KNDC1: variants seen among roughly 807,000 people sequenced by gnomAD.
KNDC1 encodes the protein kinase non-catalytic C-lobe domain-containing protein 1.
Under a neutral mutation model 172.8 loss-of-function variants are expected in KNDC1, and 106 were observed. The observed-to-expected ratio is 0.61, with a 90% confidence interval of 0.52 to 0.72. KNDC1 has a LOEUF of 0.72. Ranked by LOEUF, KNDC1 falls within the 30% of genes least tolerant of loss-of-function variation. The pLI is 0.00. For synonymous variants in KNDC1, 1,083 were observed against 1,062.2 expected (o/e 1.02, Z -0.38); for missense variants, 2,325 against 2,394.5 (o/e 0.97, Z 0.61).
intron 3 of KNDC1, among the ~76,000 whole-genome samples, chr10:133,181,006 T>C (rs1853701028): frequency 6.6e-6 from 1 of 152,020 alleles, no homozygotes; most frequent in African/African-American, 2.4e-5. Flanking sequence ...TAAGTGGAGG[T>C]GACCTGGGAC....
In KNDC1 at chr10:133,199,050, G is replaced by T; in HGVS notation, c.2542G>T (p.Gly848Trp). 6.3e-7 allele frequency: 1 copy of T among 1,594,280 alleles called. No homozygotes were observed. Among genetic ancestry groups the T allele is most frequent in the East Asian group, 2.3e-5 (1 of 43,554 alleles). ...ERPGQEPEGP[G>W]ATPAGERDDQ... is the part of the protein sequence containing the mutation. Reference sequence around the variant, plus strand: ...CCCGGGCCAGGAGCCAGAGGGCCCCGGGGCCACCCCTGCCGGGGAACGTGA... The same window carrying T: ...CCCGGGCCAGGAGCCAGAGGGCCCCTGGGCCACCCCTGCCGGGGAACGTGA... Residue 848 changes from glycine (G) to tryptophan (W), a missense_variant, in exon 14 of 30, where the codon GGG becomes TGG. By Grantham distance (184) the Gly-to-Trp change is radical. Transcript: ENST00000304613.
At chr10:133,196,060 C>G (rs1854182715) in intron 10 of KNDC1, among the ~76,000 whole-genome samples, 1 of 152,232 alleles carries the variant, frequency 6.6e-6, no homozygotes, top group African/African-American at 2.4e-5. Flanking sequence ...CTGCTGCTCC[C>G]CACCATGGCC....
intron 26 of KNDC1, among the ~76,000 whole-genome samples, chr10:133,214,341 C>T (rs910683968): frequency 6.6e-6 from 1 of 152,238 alleles, no homozygotes; most frequent in Non-Finnish European, 1.5e-5. Context: ...AGCTCTCCCC[C>T]AGCACTGCCT....
Position 133,224,681 on chromosome 10 carries a change from C to T in KNDC1, c.5041C>T (p.Gln1681Ter). 6.2e-7 allele frequency: 1 copy of T among 1,614,038 alleles called. No homozygotes were observed. Among genetic ancestry groups the T allele is most frequent in the Non-Finnish European group, 8.5e-7 (1 of 1,179,982 alleles). ...KLRNIAKVVS[Q>*]VHAFQENPYT... The stretch of plus-strand genomic sequence containing the variant: ...AAGGAACATCGCAAAGGTGGTGAGC[C>T]AGGTGCACGCGTTCCAGGAGAACCC... Residue 1681 changes from glutamine (Q) to a stop codon, truncating the protein, a stop_gained, in exon 30 of 30, where the codon CAG (glutamine) becomes TAG (stop). Coordinates refer to ENST00000304613, the MANE Select transcript of KNDC1 (RefSeq NM_152643.8). LOFTEE classifies it high-confidence loss of function. The surrounding 1 kb of genome is among the most constrained non-coding windows in gnomAD (Gnocchi z 5.4).
intron 3 of KNDC1, among the ~76,000 whole-genome samples, chr10:133,173,108 CCTCTT>C (rs1417567070): frequency 6.6e-6 from 1 of 152,214 alleles, no homozygotes; most frequent in Non-Finnish European, 1.5e-5. Context: ...CAGGTGCTCT[CCTCTT>C]CAGGCGCTGC....
rs558915571 is a variant in KNDC1 at position 133,189,539 on chromosome 10, C to G, written c.1442-59C>G. On this transcript the variant is annotated intron_variant, in intron 7 of 29. Coordinates refer to ENST00000304613, the MANE Select transcript of KNDC1 (RefSeq NM_152643.8). ...CTGAGGCTCCGCAGCTCCTTCCCCCCAGCCAGCCCCAAGTGCGGGGCAGCA... is the reference window on the plus strand; with the variant it reads ...CTGAGGCTCCGCAGCTCCTTCCCCCGAGCCAGCCCCAAGTGCGGGGCAGCA... The G allele has an allele frequency of 1.1e-5, 17 of 1,542,102 alleles. No homozygotes were observed. The South Asian group carries it at 1.6e-4, about 14-fold the overall frequency.
At position 133,198,205 on chromosome 10, in the gene KNDC1, C is replaced by T. The variant is rs1854247249; in HGVS notation, c.1907-132C>T. On this transcript the variant is annotated intron_variant, in intron 12 of 29. Coordinates refer to ENST00000304613, the MANE Select transcript of KNDC1 (RefSeq NM_152643.8). ...TTCCAGGGCCCAGCACAGAGGAAGC[C>T]CCCAGGGCCATGCGGGAGGGGACGC... The T allele has an allele frequency of 7.3e-6, 8 of 1,102,500 alleles. 1 individual carries two copies. In the South Asian group the frequency reaches 1.3e-4, roughly 17 times the overall value. 68.3% of individuals were successfully genotyped at this position (1,102,500 alleles called of 1,614,324 possible). A position where few individuals can be genotyped will look rare whatever the true frequency, so the allele number is the denominator to read the frequency against.
At chr10:133,203,787 A>C (rs3008381) in intron 17 of KNDC1, among the ~76,000 whole-genome samples, 67,008 of 152,170 alleles carry the variant, frequency 0.44, 15,596 homozygotes, top group East Asian at 0.62. Flanking sequence ...GATTTTAGTT[A>C]CCGTGGATTT....
rs777028945 is a variant in KNDC1, at chr10:133,200,480, C to CG, written c.2989+21dup. ...GCCTGGGTAAGTGCTGGGCGGGCCCCGCGGCAGGAGCTCTGCTGGGCGGCT... is the reference window on the plus strand; with the variant it reads ...GCCTGGGTAAGTGCTGGGCGGGCCCCGGCGGCAGGAGCTCTGCTGGGCGGCT... On this transcript the variant is annotated intron_variant, in intron 16 of 29. Transcript: ENST00000304613. 3.3e-6 allele frequency: 5 copies of CG among 1,501,896 alleles called. No individual in the cohort carries two copies. Among genetic ancestry groups the CG allele is most frequent in the Non-Finnish European group, 4.4e-6 (5 of 1,125,314 alleles). 93.0% of individuals were successfully genotyped at this position (1,501,896 alleles called of 1,614,324 possible). A position where few individuals can be genotyped will look rare whatever the true frequency, so the allele number is the denominator to read the frequency against.
Position 133,183,460 on chromosome 10 carries a change from G to C in KNDC1, c.477G>C (p.Ala159=), listed in dbSNP as rs761257041. The C allele has an allele frequency of 3.7e-6, 6 of 1,605,368 alleles. No individual in the cohort carries two copies. Among genetic ancestry groups the C allele is most frequent in the Non-Finnish European group, 5.1e-6 (6 of 1,178,010 alleles). ...AGGCGCTGCTGAGCCGGATGCAGGCGGAGGACCCCGGGGACCGGCCGGACC... is the reference window on the plus strand; with the variant it reads ...AGGCGCTGCTGAGCCGGATGCAGGCCGAGGACCCCGGGGACCGGCCGGACC... ...DLEALLSRMQ[A]EDPGDRPDLE... The change falls in exon 4 of 30, where the codon GCG becomes GCC. Residue 159 remains alanine, a synonymous_variant. Transcript: ENST00000304613.
intron 10 of KNDC1, 136 bp from the exon 11 acceptor site, chr10:133,196,922 A>T: frequency 1.5e-6 from 1 of 663,902 alleles, no homozygotes; most frequent in Non-Finnish European, 2.7e-6. Flanking sequence ...CGGGGCCTGT[A>T]GTTGGGTGTC....
intron 11 of KNDC1, among the ~76,000 whole-genome samples, chr10:133,197,370 G>A (rs945663831): frequency 2.0e-4 from 30 of 152,268 alleles, no homozygotes; most frequent in Admixed American, 4.6e-4. Flanking sequence ...CAAGGACGGC[G>A]GCCCAGCACC....
intron 5 of KNDC1, among the ~76,000 whole-genome samples, chr10:133,184,265 AC>A: frequency 6.9e-6 from 1 of 145,842 alleles, no homozygotes; most frequent in East Asian, 2.0e-4. Flanking sequence ...CACGTTACAC[AC>A]ACCCATGCAC....
intron 11 of KNDC1, 75 bp downstream of exon 11, chr10:133,197,210 C>G: frequency 8.5e-7 from 1 of 1,177,620 alleles, no homozygotes; most frequent in Non-Finnish European, 1.2e-6. Flanking sequence ...CTTGCCCTTG[C>G]CTGGCCGCTC....
rs774561314 is a variant in KNDC1 at position 133,219,142 on chromosome 10, TA to T, written c.4860+55del. The T allele has an allele frequency of 7.0e-6, 11 of 1,580,350 alleles. No homozygotes were observed. The African/African-American group carries it at 9.4e-5, about 13-fold the overall frequency. ...GCTTTGGTCCCCCGAGGCCCTCTCC[TA>T]AACGAACTGCTGTGCAGAGCCTGCC... On this transcript the variant is annotated intron_variant, in intron 28 of 29. Coordinates refer to ENST00000304613, the MANE Select transcript of KNDC1 (RefSeq NM_152643.8).
rs955129553 is a variant in KNDC1, at chr10:133,183,576, G to A, written c.507+86G>A. The A allele has an allele frequency of 2.0e-5, 28 of 1,409,726 alleles. No individual in the cohort carries two copies. The African/African-American group carries it at 2.1e-4, about 11-fold the overall frequency. The allele number at this position is 1,409,726 out of a possible 1,614,324, so 87.3% of individuals were successfully genotyped here. ...CGTGTGCTCACCACACCCACGCCCA[G>A]CAGCCTCACCTGGGTTCCGCAACCA... On this transcript the variant is annotated intron_variant, in intron 4 of 29. Transcript: ENST00000304613.
At chr10:133,219,608 G>C (rs1845539831) in intron 28 of KNDC1, among the ~76,000 whole-genome samples, 1 of 152,222 alleles carries the variant, frequency 6.6e-6, no homozygotes, top group Admixed American at 6.5e-5. Context: ...GCAGACACGG[G>C]GCCCTGCTCT....
At chr10:133,197,896 G>A in intron 12 of KNDC1, 128 bp downstream of exon 12, 1 of 775,876 alleles carries the variant, frequency 1.3e-6, no homozygotes. Context: ...CCAGAGCTCG[G>A]CCAACGTGGC....
chr10:133,172,467 A>G lies in KNDC1; in HGVS notation c.360+4155A>G, dbSNP rs766884499. ...ATACACTGTTTAATTGGATTTACTAACGCTTGCTTCAGATTGTTGCGCATA... is the reference window on the plus strand; with the variant it reads ...ATACACTGTTTAATTGGATTTACTAGCGCTTGCTTCAGATTGTTGCGCATA... On this transcript the variant is annotated intron_variant, in intron 3 of 29. Transcript: ENST00000304613. Among the ~76,000 whole-genome samples the G allele has an allele frequency of 7.7e-4, 117 of 152,314 alleles. 1 individual carries two copies. The highest frequency in any genetic ancestry group is 1.3e-3 in the Non-Finnish European group (86 of 68,034).
Sources: allele counts gnomAD v4.1 joint callset (sites outside exome capture counted in the v4.1 genomes callset), GRCh38; gene constraint gnomAD v4.1.1; non-coding constraint Gnocchi (gnomAD v3.1); transcripts MANE v1.5; gene names NCBI Gene and HGNC (gene_info 2026-07-23, HGNC 2026-07-21).